The following ENPEP variants were observed in gnomAD, a reference collection of about 807,000 sequenced individuals.
ENPEP encodes the protein glutamyl aminopeptidase.
A neutral mutation model predicts 114.5 loss-of-function variants in ENPEP; 103 were observed. The observed-to-expected ratio is 0.90, with a 90% CI of 0.77 to 1.06. ENPEP has a LOEUF of 1.06. Among genes scored for constraint, ENPEP ranks in the 50% least tolerant of loss-of-function variants. The pLI, the probability that ENPEP is intolerant of heterozygous loss-of-function variation, is 0.00. For missense variants in ENPEP, 1,196 were observed against 1,161.3 expected, an observed-to-expected ratio of 1.03 and a Z score of -0.43; for synonymous variants, 420 against 422.0, an observed-to-expected ratio of 1.00 and a Z score of 0.06.
chr4:110,509,864 G>C lies in ENPEP; in HGVS notation c.1194+57G>C, dbSNP rs945767288. The C allele has an allele frequency of 3.2e-6, 5 of 1,543,536 alleles. No individual in the cohort carries two copies. In the African/African-American group the frequency reaches 5.6e-5, roughly 17 times the overall value. ...TTTTTAAAGTGGCTTAAGACCACAG[G>C]AATAATTCAAATTATTTATGACTTA... On this transcript the variant is annotated intron_variant, in intron 5 of 19. Transcript: ENST00000265162.
chr4:110,481,906 C>T (rs188769133), intron 1 of ENPEP, among the ~76,000 whole-genome samples: 1 of 152,172 alleles, frequency 6.6e-6, no homozygotes, highest in Admixed American at 6.5e-5. Context: ...GGGAGTTCAG[C>T]AGCAGAGACA....
intron 19 of ENPEP, among the ~76,000 whole-genome samples, chr4:110,560,195 A>G (rs1727632485): frequency 6.6e-6 from 1 of 152,148 alleles, no homozygotes; most frequent in South Asian, 2.1e-4. Context: ...TCCATCATTG[A>G]TGGGCATTTA....
chr4:110,556,317 G>GT (rs1172265658), intron 18 of ENPEP, among the ~76,000 whole-genome samples: 1 of 150,998 alleles, frequency 6.6e-6, no homozygotes, highest in Non-Finnish European at 1.5e-5. Context: ...TTCTCCTTGA[G>GT]TTTTTCCATG....
At chr4:110,553,114 T>C (rs1727348312) in intron 17 of ENPEP, among the ~76,000 whole-genome samples, 1 of 152,116 alleles carries the variant, frequency 6.6e-6, no homozygotes, top group Admixed American at 6.6e-5. Context: ...GTCTTTAAAA[T>C]CATAGGTTGG....
chr4:110,513,343 T>A, intron 6 of ENPEP, 72 bp from the exon 7 acceptor site: 1 of 1,479,744 alleles, frequency 6.8e-7, no homozygotes, highest in Non-Finnish European at 9.0e-7. Context: ...ATTTTTCTTA[T>A]ATATGGTATT....
At chr4:110,542,909 A>G (rs1726905132) in intron 12 of ENPEP, 22 bp downstream of exon 12, 1 of 1,610,590 alleles carries the variant, frequency 6.2e-7, no homozygotes, top group African/African-American at 1.3e-5. Flanking sequence ...CAATGGTTGG[A>G]AACTTTTATT....
intron 8 of ENPEP, 24 bp downstream of exon 8, chr4:110,515,466 T>C (rs753522403): frequency 2.5e-5 from 38 of 1,545,374 alleles, no homozygotes; most frequent in Non-Finnish European, 7.9e-6. Context: ...CTTTTAGTGA[T>C]ATCAAAATTA....
At chr4:110,479,330 C>A (rs1309220300) in intron 1 of ENPEP, among the ~76,000 whole-genome samples, 1 of 152,020 alleles carries the variant, frequency 6.6e-6, no homozygotes, top group Non-Finnish European at 1.5e-5. Flanking sequence ...TTAAGTTGCT[C>A]CTATTTTTTC....
chr4:110,510,243 A>G lies in ENPEP; in HGVS notation c.1195-2A>G, dbSNP rs755437903. On this transcript the variant is annotated splice_acceptor_variant, in intron 5 of 19. Transcript: ENST00000265162. LOFTEE classifies it high-confidence loss of function. The stretch of plus-strand genomic sequence containing the variant: ...TTATCTCTTTATTGCTTATAATTTC[A>G]GTGGTTTGGAAATATTGTGACCATG... 9.9e-6 allele frequency: 16 copies of G among 1,610,694 alleles called. No individual in the cohort carries two copies. The highest frequency in any genetic ancestry group is 2.2e-5 in the East Asian group (1 of 44,862).
intron 18 of ENPEP, among the ~76,000 whole-genome samples, chr4:110,556,513 T>C (rs142782878): frequency 4.6e-5 from 7 of 152,128 alleles, no homozygotes; most frequent in Admixed American, 6.6e-5. Context: ...AGCCAATCCC[T>C]ATATGTTGGA....
rs76246389 is a variant in ENPEP, at chr4:110,547,107, G to A, written c.2001-1069G>A. ...GAAAACAAAAAACAAACCTTCTGCTGTAAGAGTCCCCCAACCTTCCTAGGT... is the reference window on the plus strand; with the variant it reads ...GAAAACAAAAAACAAACCTTCTGCTATAAGAGTCCCCCAACCTTCCTAGGT... On this transcript the variant is annotated intron_variant, in intron 13 of 19. Coordinates refer to ENST00000265162, the MANE Select transcript of ENPEP (RefSeq NM_001977.4). 4.4e-3 allele frequency among the ~76,000 whole-genome samples: 674 copies of A among 152,182 alleles called. 7 individuals are homozygous for A. The highest frequency in any genetic ancestry group is 0.016 in the African/African-American group (646 of 41,548).
chr4:110,559,564 A>G, intron 18 of ENPEP, 83 bp from the exon 19 acceptor site: 2 of 991,516 alleles, frequency 2.0e-6, no homozygotes, highest in East Asian at 4.9e-5. Context: ...AAACTATGAA[A>G]TAAAAAGGAA....
rs895624893 is a variant in ENPEP, at chr4:110,497,675, G to A, written c.918+6511G>A. On this transcript the variant is annotated intron_variant, in intron 3 of 19. Transcript: ENST00000265162. ...GCAGGTGAGTTCCGACTCAGAGTCC[G>A]AACATGTTTTGAACCAGCATAGCTA... Among the ~76,000 whole-genome samples, 21 of 152,214 alleles carry A rather than the reference G, an allele frequency of 1.4e-4. No homozygotes were observed. In the East Asian group the frequency reaches 1.5e-3, roughly 11 times the overall value.
At chr4:110,505,430 G>T (rs1275738741) in intron 3 of ENPEP, among the ~76,000 whole-genome samples, 2 of 152,162 alleles carry the variant, frequency 1.3e-5, no homozygotes, top group African/African-American at 4.8e-5. Flanking sequence ...TTACCTAGTG[G>T]ATGTGAGAAT....
chr4:110,499,793 G>C (rs1276255603), intron 3 of ENPEP, among the ~76,000 whole-genome samples: 1 of 152,152 alleles, frequency 6.6e-6, no homozygotes, highest in African/African-American at 2.4e-5. Flanking sequence ...TATTAGTGTG[G>C]ATTAGGGGTT....
chr4:110,551,447 C>T (rs1318337288), intron 17 of ENPEP, among the ~76,000 whole-genome samples: 1 of 152,052 alleles, frequency 6.6e-6, no homozygotes, highest in Admixed American at 6.6e-5. Flanking sequence ...GTTACTTTAA[C>T]CATTTACAGA....
chr4:110,492,260 G>T (rs1724753018), intron 3 of ENPEP, among the ~76,000 whole-genome samples: 1 of 152,058 alleles, frequency 6.6e-6, no homozygotes, highest in South Asian at 2.1e-4. Flanking sequence ...ATAAATTTAG[G>T]CTATTTATTC....
rs200498489 is a variant in ENPEP, at chr4:110,513,515, T to A, written c.1409T>A (p.Ile470Lys). ...GTGACTGTGACAACCCCTGATGAAA[T>A]AACATCTGTTTTTGATGGAATATCC... ...IIVTVTTPDE[I>K]TSVFDGISYS... is the part of the protein sequence containing the mutation. Residue 470 changes from isoleucine (I) to lysine (K), a missense_variant, in exon 7 of 20, where the codon ATA becomes AAA. Ile to Lys is a moderately radical substitution (Grantham distance 102). Transcript: ENST00000265162. 37 of 1,613,418 alleles carry A rather than the reference T, an allele frequency of 2.3e-5. No homozygotes were observed. The highest frequency in any genetic ancestry group is 3.1e-5 in the Non-Finnish European group (37 of 1,179,574).
At position 110,476,426 on chromosome 4, in the gene ENPEP, G is replaced by A. The variant is rs201919062; in HGVS notation, c.12G>A (p.Ala4=). 105 of 1,514,676 alleles carry A rather than the reference G, an allele frequency of 6.9e-5. No homozygotes were observed. In the East Asian group the frequency reaches 9.6e-4, roughly 14 times the overall value. 93.8% of individuals were successfully genotyped at this position (1,514,676 alleles called of 1,614,324 possible). ...CTTTGGAAGCAAAAATGAACTTTGC[G>A]GAGAGAGAGGGCTCTAAGAGATACT... MNF[A]EREGSKRYCI... The change falls in exon 1 of 20, where the codon GCG becomes GCA. Residue 4 remains alanine, a synonymous_variant. Coordinates refer to ENST00000265162, the MANE Select transcript of ENPEP (RefSeq NM_001977.4).
Sources: allele counts gnomAD v4.1 joint callset (sites outside exome capture counted in the v4.1 genomes callset), GRCh38; gene constraint gnomAD v4.1.1; transcripts MANE v1.5; gene names NCBI Gene and HGNC (gene_info 2026-07-23, HGNC 2026-07-21).